Variants in ADAM23 observed in about 807,000 individuals in gnomAD.
ADAM23 encodes the protein ADAM metallopeptidase domain 23.
ADAM23 carries 33 observed loss-of-function variants against 120.1 expected under a neutral mutation model. The observed-to-expected ratio is 0.27, with a 90% CI of 0.21 to 0.37. The LOEUF (loss-of-function observed/expected upper bound fraction) is 0.37, where lower values mean the gene tolerates loss of function less well. Among genes scored for constraint, ADAM23 ranks in the 10% least tolerant of loss-of-function variants. The pLI, the probability that ADAM23 is intolerant of heterozygous loss-of-function variation, is 1.00. For missense variants in ADAM23, 862 were observed against 1,058.2 expected (o/e 0.81, Z 2.57); for synonymous variants, 367 against 375.2 (o/e 0.98, Z 0.25).
rs548126059 is a variant in ADAM23 at position 206,600,027 on chromosome 2, T to C, written c.2359+3865T>C. Among the ~76,000 whole-genome samples, 158 of 152,186 alleles carry C rather than the reference T, an allele frequency of 1.0e-3. 1 individual carries two copies. The East Asian group carries it at 0.015, about 15-fold the overall frequency. On this transcript the variant is annotated intron_variant, in intron 24 of 25. Transcript: ENST00000264377. ...CCATCCTGGCTAACACAGTGAAGCC[T>C]CGTCTCTACTAAAAATACAAAAAAA...
chr2:206,574,663 A>C (rs368580867), intron 18 of ADAM23, among the ~76,000 whole-genome samples: 2 of 152,142 alleles, frequency 1.3e-5, no homozygotes, highest in Non-Finnish European at 2.9e-5. Flanking sequence ...ACTCTGGTTA[A>C]AGTGGGATTG....
intron 9 of ADAM23, among the ~76,000 whole-genome samples, chr2:206,552,608 C>A (rs1455564497): frequency 6.6e-6 from 1 of 151,996 alleles, no homozygotes; most frequent in East Asian, 1.9e-4. Context: ...GCTATCAAAT[C>A]TTTTAAGGGT....
chr2:206,501,394 A>T (rs1456215763), intron 3 of ADAM23, among the ~76,000 whole-genome samples: 2 of 151,494 alleles, frequency 1.3e-5, no homozygotes, highest in African/African-American at 4.9e-5. Flanking sequence ...CAATTTTTGC[A>T]CTTAAAGCAA....
intron 2 of ADAM23, 136 bp from the exon 3 acceptor site, chr2:206,481,096 T>A: frequency 3.7e-6 from 2 of 540,220 alleles, no homozygotes; most frequent in Non-Finnish European, 6.3e-6. Context: ...CCTAAAGAAA[T>A]GAATTGCTAT....
intron 3 of ADAM23, among the ~76,000 whole-genome samples, chr2:206,496,187 A>G (rs1005072363): frequency 2.6e-5 from 4 of 152,156 alleles, no homozygotes; most frequent in African/African-American, 9.7e-5. Flanking sequence ...CCCCAAATCA[A>G]CAGAATATAC....
chr2:206,567,717 C>A (rs1697917349), intron 15 of ADAM23, among the ~76,000 whole-genome samples: 1 of 152,138 alleles, frequency 6.6e-6, no homozygotes, highest in Non-Finnish European at 1.5e-5. Flanking sequence ...CCTTGACATT[C>A]TTTCTAGGGA....
chr2:206,609,846 T>A (rs1307169415), intron 24 of ADAM23, 64 bp from the exon 25 acceptor site: 1 of 1,387,714 alleles, frequency 7.2e-7, no homozygotes, highest in African/African-American at 1.5e-5. Flanking sequence ...CTTAACTGCC[T>A]TTCCCTTGTG....
At chr2:206,576,328 A>G (rs1559272466) in intron 18 of ADAM23, among the ~76,000 whole-genome samples, 2 of 152,036 alleles carry the variant, frequency 1.3e-5, no homozygotes, top group Non-Finnish European at 2.9e-5. Context: ...TTCAATCTTT[A>G]ACTCTTTAAG....
At chr2:206,473,728 C>T (rs1410445674) in intron 2 of ADAM23, among the ~76,000 whole-genome samples, 1 of 151,718 alleles carries the variant, frequency 6.6e-6, no homozygotes, top group Non-Finnish European at 1.5e-5. Flanking sequence ...AATTCTCGGC[C>T]AGGCATGGTA....
At chr2:206,446,832 C>G (rs975693614) in intron 2 of ADAM23, among the ~76,000 whole-genome samples, 1 of 151,972 alleles carries the variant, frequency 6.6e-6, no homozygotes, top group Non-Finnish European at 1.5e-5. Flanking sequence ...ACTAATAGGT[C>G]ATGTCTAACT....
chr2:206,543,094 G>T (rs1345667529), intron 5 of ADAM23, among the ~76,000 whole-genome samples, 159 bp from the exon 6 acceptor site: 1 of 152,166 alleles, frequency 6.6e-6, no homozygotes, highest in Non-Finnish European at 1.5e-5. Context: ...GCCACACTGG[G>T]ACTCCATGCA....
chr2:206,457,127 A>C (rs544627922), intron 2 of ADAM23, among the ~76,000 whole-genome samples: 2 of 152,328 alleles, frequency 1.3e-5, no homozygotes, highest in African/African-American at 4.8e-5. Context: ...GAATGCATGA[A>C]ATCAACTTTA....
chr2:206,498,689 G>T (rs1226787189), intron 3 of ADAM23, among the ~76,000 whole-genome samples: 1 of 152,172 alleles, frequency 6.6e-6, no homozygotes, highest in East Asian at 1.9e-4. Context: ...CACAGCAAAA[G>T]AAACTACCAT....
chr2:206,591,060 G>C (rs1234135804), intron 21 of ADAM23, among the ~76,000 whole-genome samples: 1 of 152,098 alleles, frequency 6.6e-6, no homozygotes, highest in Admixed American at 6.5e-5. Context: ...GACCAGACAC[G>C]ATGGCTTATG....
chr2:206,455,701 A>G (rs1695284197), intron 2 of ADAM23, among the ~76,000 whole-genome samples: 1 of 152,154 alleles, frequency 6.6e-6, no homozygotes, highest in African/African-American at 2.4e-5. Flanking sequence ...TTTCTTCCAC[A>G]AGATACCCTA....
chr2:206,586,332 A>G (rs1698321017), intron 18 of ADAM23, among the ~76,000 whole-genome samples: 1 of 152,186 alleles, frequency 6.6e-6, no homozygotes, highest in Admixed American at 6.5e-5. Context: ...CTATTACAGT[A>G]ATCCAGGTGA....
At chr2:206,463,689 C>T (rs551397107) in intron 2 of ADAM23, among the ~76,000 whole-genome samples, 1 of 152,300 alleles carries the variant, frequency 6.6e-6, no homozygotes, top group African/African-American at 2.4e-5. Flanking sequence ...GACTGTTGGT[C>T]ATCTGTGTGC....
intron 2 of ADAM23, among the ~76,000 whole-genome samples, chr2:206,475,028 C>T (rs1695747959): frequency 6.6e-6 from 1 of 152,148 alleles, no homozygotes; most frequent in African/African-American, 2.4e-5. Context: ...CTAAAACTAA[C>T]ACCTCATGTT....
rs760557033 is a variant in ADAM23 at position 206,443,999 on chromosome 2, C to T, written c.133C>T (p.Arg45Cys). 3.6e-6 allele frequency: 5 copies of T among 1,402,490 alleles called. No individual in the cohort carries two copies. In the South Asian group the frequency reaches 4.6e-5, roughly 13 times the overall value. The allele number at this position is 1,402,490 out of a possible 1,614,324, so 86.9% of individuals were successfully genotyped here. A position where few individuals can be genotyped will look rare whatever the true frequency, so the allele number is the denominator to read the frequency against. The change falls in exon 1 of 26, where the codon CGC becomes TGC. Residue 45 changes from arginine to cysteine, a missense_variant. By Grantham distance (180) the Arg-to-Cys change is radical. Coordinates refer to ENST00000264377, the MANE Select transcript of ADAM23 (RefSeq NM_003812.4). ...ASAPARTPPC[R>C]LLLVLLLLPP... ...CGCCCCGGCCCGCACGCCGCCCTGC[C>T]GCCTGCTTCTCGTCCTTCTCCTGCT...
Sources: allele counts gnomAD v4.1 joint callset (sites outside exome capture counted in the v4.1 genomes callset), GRCh38; gene constraint gnomAD v4.1.1; transcripts MANE v1.5; gene names NCBI Gene and HGNC (gene_info 2026-07-23, HGNC 2026-07-21).